TAPBPL: variants seen among roughly 807,000 people sequenced by gnomAD.
The protein encoded by TAPBPL is TAP binding protein like.
A neutral mutation model predicts 44.8 loss-of-function variants in TAPBPL; 32 were observed. The observed-to-expected ratio is 0.71, with a 90% CI of 0.54 to 0.96. The LOEUF is 0.96. TAPBPL is among the 40% of genes least tolerant of loss of function. The probability of loss-of-function intolerance (pLI) is 0.00; values close to 1 mark genes in which losing one functional copy is unlikely to be tolerated. For synonymous variants in TAPBPL, 230 were observed against 240.7 expected (o/e 0.96, Z 0.41); for missense variants, 520 against 586.6 (o/e 0.89, Z 1.17).
At chr12:6,457,847 G>A in intron 4 of TAPBPL, 103 bp downstream of exon 4, 7 of 1,285,766 alleles carry the variant, frequency 5.4e-6, no homozygotes, top group Non-Finnish European at 6.3e-6. Context: ...CTGAGAAGCA[G>A]GCTTCAATCC....
At chr12:6,470,420 C>T (rs1215288552), downstream of TAPBPL, 29 of 1,521,840 alleles carry the variant, frequency 1.9e-5, no homozygotes, top group African/African-American at 1.5e-4. Flanking sequence ...GTGGTAGTTC[C>T]CCGCGTTGCT....
At chr12:6,457,309 G>A in intron 3 of TAPBPL, 97 bp from the exon 4 acceptor site, 1 of 1,175,416 alleles carries the variant, frequency 8.5e-7, no homozygotes, top group Non-Finnish European at 1.2e-6. Context: ...AGGCGAGGAA[G>A]AGGCAGGTGT....
downstream of TAPBPL, among the ~76,000 whole-genome samples, chr12:6,468,976 G>A (rs1227211471): frequency 6.6e-6 from 1 of 152,092 alleles, no homozygotes; most frequent in African/African-American, 2.4e-5. Context: ...CACCTAAAAG[G>A]AAATTATTTG....
chr12:6,453,509 G>A lies in TAPBPL; in HGVS notation c.358G>A (p.Val120Met). The change falls in exon 3 of 7, where the codon GTG becomes ATG. Residue 120 changes from valine (V) to methionine (M), a missense_variant. Coordinates refer to ENST00000266556, the MANE Select transcript of TAPBPL (RefSeq NM_018009.5). The surrounding 1 kb of genome is among the most constrained non-coding windows in gnomAD (Gnocchi z 4.8). ...LLHADCSGKE[V>M]TCEISRYFLQ... The stretch of plus-strand genomic sequence containing the variant: ...CCATGCTGACTGCAGTGGGAAGGAG[G>A]TGACCTGTGAGATCTCCCGCTACTT... 2 of 1,614,184 alleles carry A rather than the reference G, an allele frequency of 1.2e-6. No homozygotes were observed. The highest frequency in any genetic ancestry group is 1.7e-6 in the Non-Finnish European group (2 of 1,180,034).
chr12:6,464,945 A>T, downstream of TAPBPL: 2 of 1,613,790 alleles, frequency 1.2e-6, no homozygotes, highest in Non-Finnish European at 1.7e-6. Flanking sequence ...TCATCATCTG[A>T]GGAAACATGG....
rs543353085 is a variant in TAPBPL, at chr12:6,452,997, G to A, written c.65-70G>A. On this transcript the variant is annotated intron_variant, in intron 1 of 6. Coordinates refer to ENST00000266556, the MANE Select transcript of TAPBPL (RefSeq NM_018009.5). ...CCTTTGATGACTCCACAGCTTGAGGGCGGGGGCAGGAAGCAAGTGTGGAGT... is the reference window on the plus strand; with the variant it reads ...CCTTTGATGACTCCACAGCTTGAGGACGGGGGCAGGAAGCAAGTGTGGAGT... 6.9e-6 allele frequency: 10 copies of A among 1,448,006 alleles called. No homozygotes were observed. In the African/African-American group the frequency reaches 1.3e-4, roughly 18 times the overall value. The allele number at this position is 1,448,006 out of a possible 1,614,324, so 89.7% of individuals were successfully genotyped here. A position where few individuals can be genotyped will look rare whatever the true frequency, so the allele number is the denominator to read the frequency against.
In TAPBPL at chr12:6,452,369, T is replaced by G. The variant is rs1949571821; in HGVS notation, c.64+57T>G. 6 of 1,538,624 alleles carry G rather than the reference T, an allele frequency of 3.9e-6. No individual in the cohort carries two copies. In the South Asian group the frequency reaches 7.3e-5, roughly 19 times the overall value. On this transcript the variant is annotated intron_variant, in intron 1 of 6. Transcript: ENST00000266556. ...GAGAAGAGCTACTGAAGCCCCAGGG[T>G]GCCACCCTCCCCGAGATTCCAGAAG...
intron 3 of TAPBPL, among the ~76,000 whole-genome samples, chr12:6,456,184 T>G (rs1271134619): frequency 3.3e-5 from 5 of 152,168 alleles, no homozygotes; most frequent in Non-Finnish European, 7.3e-5. Flanking sequence ...TGCAGTGCAT[T>G]TAGTTGTGCT....
At chr12:6,458,206 T>C (rs1338782793) in intron 4 of TAPBPL, among the ~76,000 whole-genome samples, 1 of 151,998 alleles carries the variant, frequency 6.6e-6, no homozygotes, top group Non-Finnish European at 1.5e-5. Flanking sequence ...TGAAACTCCG[T>C]CTCTACTAAA....
intron 1 of TAPBPL, 155 bp downstream of exon 1, chr12:6,452,467 A>T: frequency 2.8e-6 from 4 of 1,432,946 alleles, no homozygotes; most frequent in East Asian, 2.6e-5. Flanking sequence ...TGGCAAAGGA[A>T]GGAACCAATA....
intron 4 of TAPBPL, among the ~76,000 whole-genome samples, chr12:6,458,023 G>GAGC (rs1393382595): frequency 6.6e-6 from 1 of 152,164 alleles, no homozygotes; most frequent in African/African-American, 2.4e-5. Context: ...ACATCCTGAG[G>GAGC]AGCAGCAGCA....
downstream of TAPBPL, chr12:6,464,716 A>G (rs771249067): frequency 3.7e-4 from 564 of 1,510,600 alleles, no homozygotes; most frequent in Non-Finnish European, 4.8e-4. Context: ...TTGTCCATCA[A>G]AGAAATCCCT....
Position 6,452,169 on chromosome 12 carries a change from C to T in TAPBPL, c.-80C>T. 1 of 1,521,418 alleles carries T rather than the reference C, an allele frequency of 6.6e-7. No individual in the cohort carries two copies. The highest frequency in any genetic ancestry group is 8.9e-7 in the Non-Finnish European group (1 of 1,120,970). 94.2% of individuals were successfully genotyped at this position (1,521,418 alleles called of 1,614,324 possible). A position where few individuals can be genotyped will look rare whatever the true frequency, so the allele number is the denominator to read the frequency against. On this transcript the variant is annotated 5_prime_UTR_variant, in exon 1 of 7. Coordinates refer to ENST00000266556, the MANE Select transcript of TAPBPL (RefSeq NM_018009.5). ...CTGCCAGGTGTGCTTGGAGAGCCCC[C>T]TTCTTCCGCCGGGCCTCGCAAGCAG...
At chr12:6,461,997 G>T in intron 6 of TAPBPL, 37 bp from the exon 7 acceptor site, 1 of 1,566,192 alleles carries the variant, frequency 6.4e-7, no homozygotes, top group Non-Finnish European at 8.8e-7. Context: ...AGTGTGAGAT[G>T]CCCACGCAAC....
At chr12:6,461,109 C>G (rs1191667917) in intron 6 of TAPBPL, 171 bp downstream of exon 6, 1 of 1,430,958 alleles carries the variant, frequency 7.0e-7, no homozygotes, top group African/African-American at 1.4e-5. Context: ...GTCGTGTTCC[C>G]TCGTTTTCTC....
downstream of TAPBPL, chr12:6,466,484 GC>G: frequency 1.1e-6 from 1 of 918,102 alleles, no homozygotes; most frequent in Non-Finnish European, 1.6e-6. Context: ...GGAGTTCGAG[GC>G]CAGCCTGGGC....
intron 1 of TAPBPL, chr12:6,452,734 T>C: frequency 1.5e-6 from 1 of 650,336 alleles, no homozygotes; most frequent in Non-Finnish European, 2.4e-6. Flanking sequence ...TCCAGTCTCC[T>C]CTCTCTGCGG....
At chr12:6,461,971 C>G (rs1949876372) in intron 6 of TAPBPL, 63 bp from the exon 7 acceptor site, 1 of 1,380,430 alleles carries the variant, frequency 7.2e-7, no homozygotes, top group African/African-American at 1.4e-5. Context: ...CCTGAGGGAA[C>G]CTGTGCTTGT....
intron 3 of TAPBPL, among the ~76,000 whole-genome samples, chr12:6,456,935 G>A (rs1219210762): frequency 6.6e-6 from 1 of 152,212 alleles, no homozygotes; most frequent in Non-Finnish European, 1.5e-5. Context: ...TTACCGGCAT[G>A]AGCCACCGCA....
Sources: gnomAD v4.1 joint callset for allele counts (sites outside exome capture counted in the v4.1 genomes callset) on GRCh38, gnomAD v4.1.1 for gene constraint, Gnocchi (gnomAD v3.1) non-coding constraint, MANE v1.5 for transcripts, NCBI Gene and HGNC (gene_info 2026-07-23, HGNC 2026-07-21) for gene names.